HACE1: variants seen among roughly 807,000 people sequenced by gnomAD.
HACE1 encodes the protein HECT domain and ankyrin repeat containing E3 ubiquitin protein ligase 1.
In HACE1, 73 loss-of-function variants were observed where a neutral mutation model predicts 118.4. The ratio of observed to expected loss-of-function variants is 0.62; its 90% CI spans 0.51 to 0.75. HACE1 has a LOEUF of 0.75. Among genes scored for constraint, HACE1 ranks in the 30% least tolerant of loss-of-function variants. The pLI, the probability that HACE1 is intolerant of heterozygous loss-of-function variation, is 0.00. For missense variants in HACE1, 749 were observed against 1,102.2 expected (o/e 0.68, Z 4.54); for synonymous variants, 368 against 374.8 (o/e 0.98, Z 0.21).
rs1435372175 is a variant in HACE1, at chr6:104,819,674, T to C, written c.535-8281A>G. 3.9e-5 allele frequency among the ~76,000 whole-genome samples: 6 copies of C among 152,096 alleles called. No individual in the cohort carries two copies. In the East Asian group the frequency reaches 5.8e-4, roughly 15 times the overall value. On this transcript the variant is annotated intron_variant, in intron 6 of 23. Coordinates refer to ENST00000262903, the MANE Select transcript of HACE1 (RefSeq NM_020771.4). ...TATAGTGAGCAAAACAGTATGGTAC[T>C]GGTACAAAAACAGACACATAGACCA...
chr6:104,842,395 G>A (rs1775201876), intron 5 of HACE1: 3 of 151,914 alleles, frequency 2.0e-5, no homozygotes, highest in African/African-American at 4.8e-5. Context: ...CCTGAGGTCA[G>A]GAGTTCAAGA....
chr6:104,771,174 T>A lies in HACE1; in HGVS notation c.2211+19A>T, dbSNP rs1176594444. 2 of 1,568,396 alleles carry A rather than the reference T, an allele frequency of 1.3e-6. No individual in the cohort carries two copies. Among genetic ancestry groups the A allele is most frequent in the Admixed American group, 1.7e-5 (1 of 59,958 alleles). ...GCCAAGTTACAAACAATGGTTAAGGTAAAAACTGAAATACTCACTTTATTA... is the reference window on the plus strand; with the variant it reads ...GCCAAGTTACAAACAATGGTTAAGGAAAAAACTGAAATACTCACTTTATTA... On this transcript the variant is annotated intron_variant, in intron 19 of 23. Transcript: ENST00000262903.
In HACE1 at chr6:104,738,512, G is replaced by A. The variant is rs1331183367; in HGVS notation, c.2513+5648C>T. Among the ~76,000 whole-genome samples the A allele has an allele frequency of 3.3e-3, 494 of 149,890 alleles. 2 individuals carry two copies. The highest frequency in any genetic ancestry group is 0.011 in the African/African-American group (453 of 39,880). On this transcript the variant is annotated intron_variant, in intron 22 of 23. Coordinates refer to ENST00000262903, the MANE Select transcript of HACE1 (RefSeq NM_020771.4). The stretch of plus-strand genomic sequence containing the variant: ...CTGAAAACCAAGGCTCGAGAACTAC[G>A]TGAAGAATGCAGAAGCCTCAGGAGC...
Position 104,744,198 on chromosome 6 carries a change from T to C in HACE1, c.2475A>G (p.Gln825=). Residue 825 remains glutamine, a synonymous_variant, in exon 22 of 24, where the codon CAA becomes CAG. Coordinates refer to ENST00000262903, the MANE Select transcript of HACE1 (RefSeq NM_020771.4). Reference sequence around the variant, plus strand: ...ACTGTAAGAGAAGAACTCTCTCCTCTTGAGTAATGTCTTCTACAACTTCCC... The same window carrying C: ...ACTGTAAGAGAAGAACTCTCTCCTCCTGAGTAATGTCTTCTACAACTTCCC... ...WFWEVVEDIT[Q]EERVLLLQFV... 6.2e-7 allele frequency: 1 copy of C among 1,604,924 alleles called. No homozygotes were observed. The highest frequency in any genetic ancestry group is 8.5e-7 in the Non-Finnish European group (1 of 1,172,436).
intron 20 of HACE1, among the ~76,000 whole-genome samples, chr6:104,747,232 G>A (rs1386874762): frequency 6.6e-6 from 1 of 151,986 alleles, no homozygotes; most frequent in African/African-American, 2.4e-5. Flanking sequence ...AGTATTCATA[G>A]GCATCAGCTT....
chr6:104,827,440 A>G (rs1773450707), intron 6 of HACE1, among the ~76,000 whole-genome samples: 1 of 152,068 alleles, frequency 6.6e-6, no homozygotes, highest in Admixed American at 6.6e-5. Context: ...TTCTCTAAAA[A>G]CCTGTCCACC....
At chr6:104,835,423 C>T (rs1774429893) in intron 5 of HACE1, among the ~76,000 whole-genome samples, 1 of 151,908 alleles carries the variant, frequency 6.6e-6, no homozygotes, top group Admixed American at 6.6e-5. Flanking sequence ...GAAAAGGATA[C>T]TATTTTTTGA....
At chr6:104,787,694 G>A (rs972945473) in intron 11 of HACE1, among the ~76,000 whole-genome samples, 1 of 152,150 alleles carries the variant, frequency 6.6e-6, no homozygotes, top group Admixed American at 6.5e-5. Flanking sequence ...ATGCAGATGA[G>A]CACTGAGTCT....
intron 11 of HACE1, among the ~76,000 whole-genome samples, chr6:104,789,624 T>A (rs1246836485): frequency 6.6e-6 from 1 of 152,102 alleles, no homozygotes; most frequent in Non-Finnish European, 1.5e-5. Context: ...AAATCACCTA[T>A]AGAGAGGCTA....
rs1770833355 is a variant in HACE1 at position 104,805,012 on chromosome 6, G to A, written c.617+6299C>T. ...ACAATGAATTCAAACAAATTTACAA[G>A]AAAAAACAAACAACCCCATCAAAAT... is the stretch of plus-strand genomic sequence containing the variant. On this transcript the variant is annotated intron_variant, in intron 7 of 23. Transcript: ENST00000262903. 3.3e-5 allele frequency among the ~76,000 whole-genome samples: 5 copies of A among 151,954 alleles called. No individual in the cohort carries two copies. The South Asian group carries it at 1.0e-3, about 32-fold the overall frequency.
At chr6:104,811,989 A>C (rs2114975222) in intron 6 of HACE1, among the ~76,000 whole-genome samples, 1 of 152,258 alleles carries the variant, frequency 6.6e-6, no homozygotes, top group Admixed American at 6.5e-5. Flanking sequence ...ATTGCCATTA[A>C]TATATACTTA....
At chr6:104,814,629 T>C (rs1771930351) in intron 6 of HACE1, among the ~76,000 whole-genome samples, 1 of 137,454 alleles carries the variant, frequency 7.3e-6, no homozygotes, top group South Asian at 2.2e-4. Context: ...TAAGATTATT[T>C]CTAGGTTTAG....
At chr6:104,795,126 C>G (rs555008155) in intron 10 of HACE1, among the ~76,000 whole-genome samples, 1 of 151,982 alleles carries the variant, frequency 6.6e-6, no homozygotes, top group African/African-American at 2.4e-5. Flanking sequence ...GATAAAACCA[C>G]AGGATCTTTT....
chr6:104,808,203 A>ATT (rs1771230453), intron 7 of HACE1, among the ~76,000 whole-genome samples: 1 of 152,134 alleles, frequency 6.6e-6, no homozygotes, highest in African/African-American at 2.4e-5. Context: ...AAAAAAAAAA[A>ATT]AAGTGCTTAG....
intron 19 of HACE1, among the ~76,000 whole-genome samples, chr6:104,753,351 G>T (rs879353721): frequency 6.6e-6 from 1 of 152,128 alleles, no homozygotes; most frequent in Non-Finnish European, 1.5e-5. Context: ...AAAAGGTAGG[G>T]TCCCCTTCAA....
chr6:104,804,284 A>C (rs1230935787), intron 7 of HACE1, among the ~76,000 whole-genome samples: 2 of 152,212 alleles, frequency 1.3e-5, no homozygotes, highest in Non-Finnish European at 2.9e-5. Flanking sequence ...AAATGGCCAT[A>C]CTGCCCAAGG....
rs1206748438 is a variant in HACE1, at chr6:104,739,565, AAAG to A, written c.2513+4592_2513+4594del. Among the ~76,000 whole-genome samples, 20 of 152,228 alleles carry A rather than the reference AAAG, an allele frequency of 1.3e-4. No individual in the cohort carries two copies. The East Asian group carries it at 3.9e-3, about 29-fold the overall frequency. Reference sequence around the variant, plus strand: ...TAAACCAACAAAGATCAAAAGAGACAAAGAAGGCCATTACATAATGATAAAGGG... The same window carrying A: ...TAAACCAACAAAGATCAAAAGAGACAAAGGCCATTACATAATGATAAAGGG... On this transcript the variant is annotated intron_variant, in intron 22 of 23. Coordinates refer to ENST00000262903, the MANE Select transcript of HACE1 (RefSeq NM_020771.4).
At chr6:104,748,603 T>TA (rs1251388341) in intron 20 of HACE1, among the ~76,000 whole-genome samples, 1 of 152,140 alleles carries the variant, frequency 6.6e-6, no homozygotes, top group Non-Finnish European at 1.5e-5. Flanking sequence ...AATGCAAACT[T>TA]ATGTTTTCCT....
At chr6:104,781,310 G>A (rs1458262525) in intron 14 of HACE1, among the ~76,000 whole-genome samples, 1 of 152,038 alleles carries the variant, frequency 6.6e-6, no homozygotes, top group African/African-American at 2.4e-5. Flanking sequence ...TCCGAGTCAT[G>A]TTAACATAAC....
Sources: allele counts gnomAD v4.1 joint callset (sites outside exome capture counted in the v4.1 genomes callset), GRCh38; gene constraint gnomAD v4.1.1; transcripts MANE v1.5; gene names NCBI Gene and HGNC (gene_info 2026-07-23, HGNC 2026-07-21).